CLYBL: variants seen among roughly 807,000 people sequenced by gnomAD.
CLYBL encodes citramalyl-CoA lyase, mitochondrial.
Under a neutral mutation model 38.9 loss-of-function variants are expected in CLYBL, and 31 were observed. That is an observed-to-expected ratio of 0.80 (90% CI 0.60 to 1.08). CLYBL has a LOEUF of 1.08. CLYBL is among the 50% of genes least tolerant of loss of function. The pLI is 0.00. For missense variants in CLYBL, 434 were observed against 411.6 expected, an observed-to-expected ratio of 1.05 and a Z score of -0.47; for synonymous variants, 171 against 158.6, an observed-to-expected ratio of 1.08 and a Z score of -0.59.
intron 1 of CLYBL, among the ~76,000 whole-genome samples, chr13:99,767,820 C>T (rs780830085): frequency 6.6e-6 from 1 of 152,178 alleles, no homozygotes; most frequent in Non-Finnish European, 1.5e-5. Flanking sequence ...TATCTCTTTA[C>T]TGGTATTTCC....
intron 7 of CLYBL, among the ~76,000 whole-genome samples, chr13:99,871,984 C>A (rs1197940029): frequency 7.3e-6 from 1 of 137,784 alleles, no homozygotes; most frequent in African/African-American, 2.9e-5. Context: ...TAAACATTCC[C>A]CCCTGCAAAA....
At chr13:99,802,461 G>A (rs935110486) in intron 2 of CLYBL, among the ~76,000 whole-genome samples, 3 of 151,974 alleles carry the variant, frequency 2.0e-5, no homozygotes, top group Admixed American at 1.3e-4. Context: ...TTTTGGGGGG[G>A]TCCAGACTCT....
chr13:99,718,365 T>TAA (rs1432716943), intron 1 of CLYBL, among the ~76,000 whole-genome samples: 3 of 138,886 alleles, frequency 2.2e-5, no homozygotes, highest in African/African-American at 8.3e-5. Context: ...CCTGATAGAT[T>TAA]AAAAAAAAGA....
chr13:99,766,102 T>C (rs1036658452), intron 1 of CLYBL, among the ~76,000 whole-genome samples: 1 of 151,394 alleles, frequency 6.6e-6, no homozygotes, highest in Admixed American at 6.6e-5. Context: ...ATCCTCCTGC[T>C]TCAGCCTCCC....
At chr13:99,884,398 C>A (rs778693028) in intron 7 of CLYBL, among the ~76,000 whole-genome samples, 3 of 152,114 alleles carry the variant, frequency 2.0e-5, no homozygotes, top group Non-Finnish European at 4.4e-5. Flanking sequence ...GGTCTGTCTT[C>A]CTTCCCTCCT....
rs570538568 is a variant in CLYBL at position 99,865,614 on chromosome 13, C to G, written c.635-626C>G. ...ATGTAAACAGGGACACTTCCCTCCC[C>G]TCAGGGTGAAAAAACTGAATTTATT... On this transcript the variant is annotated intron_variant, in intron 5 of 8. Transcript: ENST00000339105. This position sits in a 1 kb window ranked among gnomAD's most constrained non-coding sequence, Gnocchi z 4.7. Among the ~76,000 whole-genome samples the G allele has an allele frequency of 1.3e-5, 2 of 152,202 alleles. No individual in the cohort carries two copies. The highest frequency in any genetic ancestry group is 4.8e-5 in the African/African-American group (2 of 41,456).
At chr13:99,822,817 TA>T (rs1402662207) in intron 2 of CLYBL, among the ~76,000 whole-genome samples, 1 of 152,224 alleles carries the variant, frequency 6.6e-6, no homozygotes. Context: ...TCTTTCTTTC[TA>T]GACGAAACTA....
At chr13:99,882,585 GCC>G (rs1294234023) in intron 7 of CLYBL, among the ~76,000 whole-genome samples, 1 of 152,034 alleles carries the variant, frequency 6.6e-6, no homozygotes, top group East Asian at 1.9e-4. Flanking sequence ...GACCACCTGA[GCC>G]CGGGAAGTCA....
At chr13:99,772,091 C>T (rs890036310) in intron 1 of CLYBL, among the ~76,000 whole-genome samples, 4 of 152,092 alleles carry the variant, frequency 2.6e-5, no homozygotes, top group Non-Finnish European at 5.9e-5. Flanking sequence ...GGGCAAGGGC[C>T]ATAGACTTCG....
At chr13:99,638,611 T>G (rs117249274) in intron 1 of CLYBL, among the ~76,000 whole-genome samples, 1 of 152,320 alleles carries the variant, frequency 6.6e-6, no homozygotes, top group East Asian at 1.9e-4. Flanking sequence ...CTGTGTACAT[T>G]TTTTGAGAGC....
In CLYBL at chr13:99,849,186, G is replaced by C. The variant is rs1373855779; in HGVS notation, c.250-9675G>C. Among the ~76,000 whole-genome samples, 3 of 151,746 alleles carry C rather than the reference G, an allele frequency of 2.0e-5. No individual in the cohort carries two copies. The highest frequency in any genetic ancestry group is 7.3e-5 in the African/African-American group (3 of 41,274). Reference sequence around the variant, plus strand: ...AACACTATTGAGAAAGACAGTGTAAGCTTGTGGTACGTAAATACTCTGTCT... The same window carrying C: ...AACACTATTGAGAAAGACAGTGTAACCTTGTGGTACGTAAATACTCTGTCT... On this transcript the variant is annotated intron_variant, in intron 2 of 8. Transcript: ENST00000339105. The surrounding 1 kb of genome is among the most constrained non-coding windows in gnomAD (Gnocchi z 4.9).
downstream of CLYBL, among the ~76,000 whole-genome samples, chr13:99,900,653 A>G (rs899293607): frequency 6.7e-6 from 1 of 150,256 alleles, no homozygotes; most frequent in South Asian, 2.1e-4. Context: ...CTACCACTAA[A>G]CTCTCCAAAT....
At chr13:99,748,960 C>T (rs929925530) in intron 1 of CLYBL, among the ~76,000 whole-genome samples, 1 of 152,100 alleles carries the variant, frequency 6.6e-6, no homozygotes, top group South Asian at 2.1e-4. Flanking sequence ...GTGCGGATCA[C>T]CTGAGGTCAG....
chr13:99,823,155 G>A (rs901813217), intron 2 of CLYBL, among the ~76,000 whole-genome samples: 21 of 152,160 alleles, frequency 1.4e-4, no homozygotes, highest in African/African-American at 5.1e-4. Flanking sequence ...CTTTAAAAAT[G>A]TTTCATTACT....
chr13:99,861,486 C>T (rs1362584358), intron 3 of CLYBL, among the ~76,000 whole-genome samples: 2 of 152,186 alleles, frequency 1.3e-5, no homozygotes, highest in South Asian at 2.1e-4. Context: ...ACCACTAATA[C>T]TGTGCTACCA....
chr13:99,875,574 C>G (rs2052017312), intron 7 of CLYBL, among the ~76,000 whole-genome samples: 1 of 152,206 alleles, frequency 6.6e-6, no homozygotes, highest in Non-Finnish European at 1.5e-5. Flanking sequence ...AGAAGTTTCT[C>G]TAGCCAAAAA....
chr13:99,788,687 C>T (rs2049851829), intron 2 of CLYBL, among the ~76,000 whole-genome samples: 1 of 152,096 alleles, frequency 6.6e-6, no homozygotes, highest in Non-Finnish European at 1.5e-5. Flanking sequence ...CTCTGCCAGG[C>T]TTTGGTATCA....
chr13:99,662,531 G>A (rs78944859), intron 1 of CLYBL, among the ~76,000 whole-genome samples: 2 of 64,848 alleles, frequency 3.1e-5, no homozygotes, highest in Admixed American at 1.8e-4. Flanking sequence ...TTTTTTTTTG[G>A]TCAGGCAGTA....
chr13:99,619,071 T>C (rs1289510940), intron 1 of CLYBL, among the ~76,000 whole-genome samples: 2 of 152,240 alleles, frequency 1.3e-5, no homozygotes. Flanking sequence ...TGAATTATAC[T>C]AGCCAGTCAC....
Sources: gnomAD v4.1 joint callset for allele counts (sites outside exome capture counted in the v4.1 genomes callset) on GRCh38, gnomAD v4.1.1 for gene constraint, Gnocchi (gnomAD v3.1) non-coding constraint, MANE v1.5 for transcripts, NCBI Gene and HGNC (gene_info 2026-07-23, HGNC 2026-07-21) for gene names.